NRXN3: variants seen among roughly 807,000 people sequenced by gnomAD.
The protein encoded by NRXN3 is neurexin 3.
NRXN3 carries 32 observed loss-of-function variants against 137.6 expected under a neutral mutation model. The ratio of observed to expected loss-of-function variants is 0.23; its 90% CI spans 0.18 to 0.31. The LOEUF is 0.31. Among genes scored for constraint, NRXN3 ranks in the 10% least tolerant of loss-of-function variants. The pLI is 1.00. For missense variants in NRXN3, 1,574 were observed against 2,062.5 expected, an observed-to-expected ratio of 0.76 and a Z score of 4.59; for synonymous variants, 798 against 784.5, an observed-to-expected ratio of 1.02 and a Z score of -0.29.
At chr14:79,617,522 C>T (rs1224923979) in intron 16 of NRXN3, among the ~76,000 whole-genome samples, 1 of 152,112 alleles carries the variant, frequency 6.6e-6, no homozygotes, top group Non-Finnish European at 1.5e-5. Context: ...GATATTATGT[C>T]TTCTGTAGTC....
chr14:79,540,596 G>T (rs1480915105), intron 16 of NRXN3, among the ~76,000 whole-genome samples: 9 of 152,100 alleles, frequency 5.9e-5, no homozygotes, highest in Admixed American at 3.9e-4. Context: ...TCACAGCCTA[G>T]GTAGGTTGAC....
At chr14:79,302,177 C>T (rs1362574876) in intron 15 of NRXN3, among the ~76,000 whole-genome samples, 1 of 151,874 alleles carries the variant, frequency 6.6e-6, no homozygotes, top group Non-Finnish European at 1.5e-5. Context: ...TGTCATATGC[C>T]AGGTGCTTTA....
rs140968788 is a variant in NRXN3, at chr14:78,792,257, CAAAAAAAAAAAA to C, written c.2045-11348_2045-11337del. Among the ~76,000 whole-genome samples, 5 of 19,462 alleles carry C rather than the reference CAAAAAAAAAAAA, an allele frequency of 2.6e-4. No homozygotes were observed. The East Asian group carries it at 8.4e-3, about 33-fold the overall frequency. The allele number at this position is 19,462 out of a possible 152,430, so 12.8% of individuals were successfully genotyped here. On this transcript the variant is annotated intron_variant, in intron 8 of 20. Coordinates refer to ENST00000335750, the MANE Select transcript of NRXN3 (RefSeq NM_001330195.2). ...GAAAAGGGAGATTGTAGACTAAAGG[CAAAAAAAAAAAA>C]AAAAAAAAAAAAAAGGAAAGCCAAA...
At chr14:78,252,555 C>T (rs972803203) in intron 2 of NRXN3, among the ~76,000 whole-genome samples, 1 of 152,232 alleles carries the variant, frequency 6.6e-6, no homozygotes. Flanking sequence ...ATCCGATCCT[C>T]TCCTGACACT....
In NRXN3 at chr14:78,876,776, C is replaced by T. The variant is rs985720426; in HGVS notation, c.2275+66432C>T. On this transcript the variant is annotated intron_variant, in intron 10 of 20. Coordinates refer to ENST00000335750, the MANE Select transcript of NRXN3 (RefSeq NM_001330195.2). ...CAGATAGGTTCCTAATGACACTTAC[C>T]ACATGGGGTTGTTGTGAGGATTAAA... Among the ~76,000 whole-genome samples, 19 of 152,092 alleles carry T rather than the reference C, an allele frequency of 1.2e-4. 1 individual carries two copies. Among genetic ancestry groups the T allele is most frequent in the Non-Finnish European group, 1.5e-5 (1 of 68,014 alleles).
intron 4 of NRXN3, among the ~76,000 whole-genome samples, chr14:78,350,500 G>A (rs2083342809): frequency 1.3e-5 from 2 of 152,120 alleles, no homozygotes; most frequent in African/African-American, 4.8e-5. Context: ...GTGGGAGACA[G>A]GCAGGGACTG....
intron 10 of NRXN3, among the ~76,000 whole-genome samples, chr14:78,864,940 T>C (rs2152542850): frequency 6.6e-6 from 1 of 152,268 alleles, no homozygotes; most frequent in South Asian, 2.1e-4. Context: ...TAGATGAAAG[T>C]CAGAGGATTA....
At chr14:78,415,946 G>T (rs1055642898) in intron 4 of NRXN3, among the ~76,000 whole-genome samples, 24 of 151,864 alleles carry the variant, frequency 1.6e-4, no homozygotes, top group African/African-American at 5.6e-4. Context: ...AATGTTCATG[G>T]TCTAATCTCC....
intron 15 of NRXN3, among the ~76,000 whole-genome samples, chr14:79,436,102 G>A (rs1180516986): frequency 2.0e-5 from 3 of 152,186 alleles, no homozygotes; most frequent in Admixed American, 6.5e-5. Context: ...TAGAGGTGCC[G>A]CTTTTTCATT....
intron 4 of NRXN3, among the ~76,000 whole-genome samples, chr14:78,367,089 C>T (rs1215664672): frequency 6.6e-6 from 1 of 152,190 alleles, no homozygotes; most frequent in Non-Finnish European, 1.5e-5. Flanking sequence ...TCTGATTATA[C>T]AATTTCAGCT....
At chr14:79,480,634 T>A (rs1396758599) in intron 16 of NRXN3, among the ~76,000 whole-genome samples, 1 of 152,142 alleles carries the variant, frequency 6.6e-6, no homozygotes, top group African/African-American at 2.4e-5. Flanking sequence ...ATGGCTTGGA[T>A]CCGTGTCCCC....
At chr14:78,781,733 A>T (rs2098770508) in intron 8 of NRXN3, among the ~76,000 whole-genome samples, 2 of 152,370 alleles carry the variant, frequency 1.3e-5, no homozygotes. Flanking sequence ...AAAACAAAAT[A>T]AAAGCTGTTT....
rs1344065343 is a variant in NRXN3 at position 78,645,214 on chromosome 14, C to T, written c.852C>T (p.Thr284=). The T allele has an allele frequency of 2.5e-6, 4 of 1,598,236 alleles. No homozygotes were observed. In the African/African-American group the frequency reaches 5.3e-5, roughly 21 times the overall value. ...NPIQSSSDEI[T]LSFKTWQRNG... ...TCCAGAGCAGCAGTGATGAAATCAC[C>T]CTCTCCTTTAAGACCTGGCAGCGTA... is the stretch of plus-strand genomic sequence containing the variant. The change falls in exon 5 of 21, where the codon ACC becomes ACT. Residue 284 remains threonine (T), a synonymous_variant. Transcript: ENST00000335750.
chr14:79,284,343 C>CATACATATAT (rs1177586135), intron 15 of NRXN3, among the ~76,000 whole-genome samples: 11 of 65,094 alleles, frequency 1.7e-4, no homozygotes, highest in African/African-American at 5.2e-4. Context: ...ACTAAAAATA[C>CATACATATAT]ATATATATAT....
intron 4 of NRXN3, among the ~76,000 whole-genome samples, chr14:78,515,044 A>T (rs1295168054): frequency 6.6e-6 from 1 of 152,162 alleles, no homozygotes; most frequent in Non-Finnish European, 1.5e-5. Flanking sequence ...AATCTCTGAG[A>T]TGAGGTCTAA....
chr14:78,988,141 C>G lies in NRXN3; in HGVS notation c.3262C>G (p.Pro1088Ala). 1.9e-6 allele frequency: 3 copies of G among 1,613,654 alleles called. No individual in the cohort carries two copies. Among genetic ancestry groups the G allele is most frequent in the Non-Finnish European group, 2.5e-6 (3 of 1,179,750 alleles). The change falls in exon 15 of 21, where the codon CCT becomes GCT. Residue 1088 changes from proline (P) to alanine (A), a missense_variant and splice_region_variant. Around this residue, in one of 5 missense-constraint regions of NRXN3, gnomAD observed 718 missense variants for 887.6 expected, o/e 0.81. Transcript: ENST00000335750. ...TTATTCTGGAAACCAGTGCAATGATCGTAAGTACAACAACCTTTCATACTG... is the reference window on the plus strand; with the variant it reads ...TTATTCTGGAAACCAGTGCAATGATGGTAAGTACAACAACCTTTCATACTG... ...TSYSGNQCND[P>A]GATYIFGKSG...
At chr14:78,382,244 T>C (rs1050828780) in intron 4 of NRXN3, among the ~76,000 whole-genome samples, 5 of 152,174 alleles carry the variant, frequency 3.3e-5, no homozygotes, top group African/African-American at 1.2e-4. Context: ...TTGATATGCA[T>C]AATAAAGTAC....
At chr14:78,778,804 CTT>C (rs1202629524) in intron 8 of NRXN3, among the ~76,000 whole-genome samples, 5 of 104,520 alleles carry the variant, frequency 4.8e-5, no homozygotes, top group South Asian at 2.8e-4. Flanking sequence ...TTCTTTCTTT[CTT>C]TCTTTCTTTC....
At chr14:78,459,077 G>A (rs543992970) in intron 4 of NRXN3, among the ~76,000 whole-genome samples, 28 of 152,242 alleles carry the variant, frequency 1.8e-4, no homozygotes, top group East Asian at 5.8e-4. Flanking sequence ...CAAATTCTGC[G>A]TTTATTCAGT....
Sources: allele counts gnomAD v4.1 joint callset (sites outside exome capture counted in the v4.1 genomes callset), GRCh38; gene constraint gnomAD v4.1.1; regional missense constraint gnomAD v4.1.1; transcripts MANE v1.5; gene names NCBI Gene and HGNC (gene_info 2026-07-23, HGNC 2026-07-21).